NBPF10: variants seen among roughly 807,000 people sequenced by gnomAD.
The protein encoded by NBPF10 is NBPF family member NBPF10.
Under a neutral mutation model 77.9 loss-of-function variants are expected in NBPF10, and 63 were observed. The ratio of observed to expected loss-of-function variants is 0.81; its 90% CI spans 0.66 to 1.00. NBPF10 has a LOEUF of 1.00. NBPF10 is among the 50% of genes least tolerant of loss of function. The pLI is 0.00. For missense variants in NBPF10, 522 were observed against 679.8 expected (o/e 0.77, Z 2.58); for synonymous variants, 146 against 264.5 (o/e 0.55, Z 4.35).
chr1:146,136,247 T>G (rs1438248955), intron 7 of NBPF10, 106 bp downstream of exon 7: 58 of 876,796 alleles, frequency 6.6e-5, no homozygotes, highest in Non-Finnish European at 1.0e-4. Context: ...TGGCAATTCC[T>G]GCCCTTCCCC....
At chr1:146,142,217 G>A (rs587725787) in intron 2 of NBPF10, among the ~76,000 whole-genome samples, 1 of 112,970 alleles carries the variant, frequency 8.9e-6, no homozygotes, top group Non-Finnish European at 2.0e-5. Context: ...CAGATGGGGC[G>A]AATTGAAAAG....
chr1:146,134,233 C>G, exon 9 of NBPF10: 8 of 1,595,760 alleles, frequency 5.0e-6, no homozygotes, highest in Non-Finnish European at 6.8e-6. Flanking sequence ...GCCACCTCAA[C>G]TTGAACATCT....
At chr1:146,069,545 T>A (rs782171896) in exon 86 of NBPF10, 37 of 921,176 alleles carry the variant, frequency 4.0e-5, no homozygotes, top group Non-Finnish European at 5.8e-5. Context: ...GTACTCACCA[T>A]CCATGTCAAC....
At chr1:146,121,795 T>C in intron 19 of NBPF10, 125 bp from the exon 20 acceptor site, 1 of 619,058 alleles carries the variant, frequency 1.6e-6, no homozygotes, top group Non-Finnish European at 2.8e-6. Context: ...ATTAATGAGG[T>C]AACAAATTAT....
chr1:146,125,759 G>A (rs1157890579), intron 14 of NBPF10, among the ~76,000 whole-genome samples: 20 of 142,038 alleles, frequency 1.4e-4, no homozygotes, highest in African/African-American at 4.2e-4. Flanking sequence ...TTTGTCCCAA[G>A]TTTGTGCAAA....
rs587677785 is a variant in NBPF10 at position 146,126,284 on chromosome 1, A to G, written c.1978T>C (p.Phe660Leu). The G allele has an allele frequency of 4.4e-3, 7,057 of 1,605,700 alleles. 74 individuals are homozygous for G. The highest frequency in any genetic ancestry group is 5.4e-3 in the Non-Finnish European group (6,372 of 1,174,492). The change falls in exon 14 of 90, where the codon TTT becomes CTT. Residue 660 changes from phenylalanine (F) to leucine (L), a missense_variant. Around this residue, in one of 9 missense-constraint regions of NBPF10, gnomAD observed 178 missense variants for 77.7 expected, o/e 2.29. Transcript: ENST00000583866. ...ACACGCTGTTGCTCCAATATGTAAAAGGCACTTCTGTAGGGCTGGCATGAG... is the reference window on the plus strand; with the variant it reads ...ACACGCTGTTGCTCCAATATGTAAAGGGCACTTCTGTAGGGCTGGCATGAG...
Position 146,126,569 on chromosome 1 carries a change from G to A in NBPF10, c.1854-161C>T, listed in dbSNP as rs1201233799. On this transcript the variant is annotated intron_variant, in intron 13 of 89. Transcript: ENST00000583866. ...TGCCTTTATGTTGGGATTGACTAGGGCCAGGTAGAAAAGGATGAACGAGAA... is the reference window on the plus strand; with the variant it reads ...TGCCTTTATGTTGGGATTGACTAGGACCAGGTAGAAAAGGATGAACGAGAA... 2.0e-5 allele frequency among the ~76,000 whole-genome samples: 3 copies of A among 147,530 alleles called. No homozygotes were observed. In the Admixed American group the frequency reaches 2.1e-4, roughly 10 times the overall value.
chr1:146,134,626 ATTCT>A (rs1406136365), intron 8 of NBPF10, among the ~76,000 whole-genome samples: 2 of 119,184 alleles, frequency 1.7e-5, no homozygotes, highest in Admixed American at 8.9e-5. Flanking sequence ...TTCAAACCTC[ATTCT>A]TTCTCTTAGA....
chr1:146,114,849 C>G lies in NBPF10; in HGVS notation c.3716-329G>C, dbSNP rs2102134406. Reference sequence around the variant, plus strand: ...AGGAGGAAAACTGCAGTATTCAGCCCTGTCTCATCAAATGCCCAGCTCGTT... The same window carrying G: ...AGGAGGAAAACTGCAGTATTCAGCCGTGTCTCATCAAATGCCCAGCTCGTT... On this transcript the variant is annotated intron_variant, in intron 28 of 89. Transcript: ENST00000583866. 6.7e-5 allele frequency among the ~76,000 whole-genome samples: 2 copies of G among 29,856 alleles called. 1 individual carries two copies. Among genetic ancestry groups the G allele is most frequent in the Non-Finnish European group, 1.6e-4 (2 of 12,860 alleles). 19.6% of individuals were successfully genotyped at this position (29,856 alleles called of 152,430 possible). A position where few individuals can be genotyped will look rare whatever the true frequency, so the allele number is the denominator to read the frequency against.
In NBPF10 at chr1:146,125,820, T is replaced by C. The variant is rs3868770; in HGVS notation, c.2027-304A>G. ...ATTTAAAGCAAATGCCCCCAAATGG[T>C]TGCTAGGAGAAAAACTGCACTATTC... On this transcript the variant is annotated intron_variant, in intron 14 of 89. Transcript: ENST00000583866. 6.7e-3 allele frequency among the ~76,000 whole-genome samples: 993 copies of C among 149,318 alleles called. 21 individuals carry two copies. Among genetic ancestry groups the C allele is most frequent in the Non-Finnish European group, 0.01 (687 of 67,006 alleles).
intron 19 of NBPF10, among the ~76,000 whole-genome samples, chr1:146,121,875 A>G: frequency 1.4e-5 from 2 of 143,118 alleles, no homozygotes; most frequent in South Asian, 4.6e-4. Flanking sequence ...AGAGAGAGAC[A>G]GAGACAGAGA....
chr1:146,076,238 GAC>G (rs1213507335), intron 77 of NBPF10, among the ~76,000 whole-genome samples, 197 bp from the exon 78 acceptor site: 84 of 5,336 alleles, frequency 0.016, 1 homozygote, highest in South Asian at 0.043. Context: ...AAGACAGATA[GAC>G]ACACACACAC....
chr1:146,126,343 T>G lies in NBPF10; in HGVS notation c.1919A>C (p.Tyr640Ser), dbSNP rs782788361. The G allele has an allele frequency of 2.1e-4, 275 of 1,324,988 alleles. 3 individuals carry two copies. In the Admixed American group the frequency reaches 4.3e-3, roughly 21 times the overall value. The allele number at this position is 1,324,988 out of a possible 1,614,324, so 82.1% of individuals were successfully genotyped here. Residue 640 changes from tyrosine (Y) to serine (S), a missense_variant, in exon 14 of 90, where the codon TAT (tyrosine) becomes TCT (serine). Physicochemically the swap from Tyr to Ser is moderately radical, Grantham distance 144 (BLOSUM62 -2). Coordinates refer to ENST00000583866, the Ensembl canonical transcript of NBPF10. ...TTCAAGACAACCTGAAGGAGTTGAA[T>G]AACATCTATCCTGTGAGTCCTGCAA...
intron 2 of NBPF10, among the ~76,000 whole-genome samples, chr1:146,142,242 G>C (rs1660379177): frequency 8.9e-6 from 1 of 112,454 alleles, no homozygotes; most frequent in African/African-American, 3.0e-5. Context: ...AAGAAGAAAA[G>C]AAGGACAGGG....
Position 146,126,252 on chromosome 1 carries a change from C to G in NBPF10, c.2010G>C (p.Leu670Phe), listed in dbSNP as rs587680392. Residue 670 changes from leucine to phenylalanine, a missense_variant, in exon 14 of 90, where the codon TTG (leucine) becomes TTC (phenylalanine). Coordinates refer to ENST00000583866, the Ensembl canonical transcript of NBPF10. ...GGTACTCACCATCCATGTCAATAGC[C>G]AAGCCAACACGCTGTTGCTCCAATA... 1.9e-4 allele frequency: 303 copies of G among 1,608,390 alleles called. 4 individuals carry two copies. The African/African-American group carries it at 3.2e-3, about 17-fold the overall frequency.
At position 146,119,483 on chromosome 1, in the gene NBPF10, A is replaced by G. The variant is rs1288673307; in HGVS notation, c.2984-237T>C. 1.2e-4 allele frequency among the ~76,000 whole-genome samples: 2 copies of G among 16,272 alleles called. 1 individual carries two copies. The highest frequency in any genetic ancestry group is 1.9e-3 in the East Asian group (2 of 1,026). The allele number at this position is 16,272 out of a possible 152,430, so 10.7% of individuals were successfully genotyped here. A position where few individuals can be genotyped will look rare whatever the true frequency, so the allele number is the denominator to read the frequency against. ...TCGTTATCCCAAAATAATTTATCCC[A>G]AGTTTGTGCAAACAGTTATGCTTTA... On this transcript the variant is annotated intron_variant, in intron 22 of 89. Transcript: ENST00000583866.
At chr1:146,121,087 AG>A (rs1436698295) in intron 20 of NBPF10, among the ~76,000 whole-genome samples, 6 of 101,394 alleles carry the variant, frequency 5.9e-5, no homozygotes, top group African/African-American at 1.7e-4. Context: ...AATGGTTGCT[AG>A]GAGAAAAACT....
At chr1:146,124,996 T>A in intron 15 of NBPF10, 136 bp from the exon 16 acceptor site, 1 of 286,498 alleles carries the variant, frequency 3.5e-6, no homozygotes, top group South Asian at 2.5e-5. Context: ...AATGAATTAT[T>A]GCCTTTATGT....
intron 13 of NBPF10, 72 bp from the exon 14 acceptor site, chr1:146,126,480 T>C (rs1363058924): frequency 1.3e-6 from 1 of 747,944 alleles, no homozygotes; most frequent in Non-Finnish European, 2.5e-6. Flanking sequence ...CTAGATTTCA[T>C]GGCTAACATA....
Sources: gnomAD v4.1 joint callset for allele counts (sites outside exome capture counted in the v4.1 genomes callset) on GRCh38, gnomAD v4.1.1 for gene constraint, gnomAD v4.1.1 regional missense constraint, MANE v1.5 for transcripts, NCBI Gene and HGNC (gene_info 2026-07-23, HGNC 2026-07-21) for gene names.